Variants in TMCO6 observed in about 807,000 individuals in gnomAD.
TMCO6 encodes transmembrane and coiled-coil domain-containing protein 6.
TMCO6 carries 47 observed loss-of-function variants against 61.8 expected under a neutral mutation model. The observed-to-expected ratio is 0.76, with a 90% CI of 0.60 to 0.97. The LOEUF (loss-of-function observed/expected upper bound fraction) is 0.97. Ranked by LOEUF, TMCO6 falls within the 50% of genes least tolerant of loss-of-function variation. The probability of loss-of-function intolerance (pLI) is 0.00; values close to 1 mark genes in which losing one functional copy is unlikely to be tolerated. For missense variants in TMCO6, 557 were observed against 601.6 expected (o/e 0.93, Z 0.78); for synonymous variants, 261 against 254.2 (o/e 1.03, Z -0.25).
chr5:140,642,966 T>C lies in TMCO6; in HGVS notation c.731T>C (p.Met244Thr). Residue 244 changes from methionine to threonine, a missense_variant, in exon 7 of 12, where the codon ATG (methionine) becomes ACG (threonine). Transcript: ENST00000394671. The part of the protein sequence containing the change: ...ASTLPQHMLQ[M>T]LQPGPKLNPG... ...ACTCTCCCTCAGCACATGCTACAAA[T>C]GTTGCAACCTGGCCCAAAGCTCAAC... is the stretch of plus-strand genomic sequence containing the variant. The C allele has an allele frequency of 6.2e-7, 1 of 1,614,190 alleles. No individual in the cohort carries two copies. Among genetic ancestry groups the C allele is most frequent in the Non-Finnish European group, 8.5e-7 (1 of 1,180,040 alleles).
At chr5:140,599,979 A>C in the TMCO6 span, among the ~76,000 whole-genome samples, 1 of 152,102 alleles carries the variant, frequency 6.6e-6, no homozygotes, top group African/African-American at 2.4e-5. Context: ...GTGGTTCAAA[A>C]GTCAATTCTA....
chr5:140,645,224 C>A lies in TMCO6; in HGVS notation c.*126C>A, dbSNP rs1373074178. On this transcript the variant is annotated 3_prime_UTR_variant, in exon 12 of 12. Coordinates refer to ENST00000394671, the MANE Select transcript of TMCO6 (RefSeq NM_018502.5). ...CTCTGCTCCCACACCTAAGCCAAGACCTTTGGGTCCCAGCTCCTCCCCTTC... is the reference window on the plus strand; with the variant it reads ...CTCTGCTCCCACACCTAAGCCAAGAACTTTGGGTCCCAGCTCCTCCCCTTC... 7.4e-6 allele frequency: 7 copies of A among 951,628 alleles called. No homozygotes were observed. The highest frequency in any genetic ancestry group is 1.1e-5 in the Non-Finnish European group (7 of 624,316). The allele number at this position is 951,628 out of a possible 1,614,324, so 58.9% of individuals were successfully genotyped here. A position where few individuals can be genotyped will look rare whatever the true frequency, so the allele number is the denominator to read the frequency against.
At chr5:140,632,287 C>T in the TMCO6 span, 3 of 1,613,956 alleles carry the variant, frequency 1.9e-6, no homozygotes, top group Non-Finnish European at 2.5e-6. The surrounding 1 kb of genome is among the most constrained non-coding windows in gnomAD (Gnocchi z 6.2). Context: ...GTCTCCATTC[C>T]TGTGTTGCGC....
At chr5:140,608,467 T>C in the TMCO6 span, among the ~76,000 whole-genome samples, 1 of 152,230 alleles carries the variant, frequency 6.6e-6, no homozygotes, top group Non-Finnish European at 1.5e-5. Flanking sequence ...TTCACTTTAT[T>C]TGGTAATGCC....
chr5:140,599,855 C>T, the TMCO6 span, among the ~76,000 whole-genome samples: 2 of 152,022 alleles, frequency 1.3e-5, no homozygotes, highest in East Asian at 3.8e-4. Flanking sequence ...GAGCAGTGAG[C>T]CAAGATCGCA....
At chr5:140,608,207 C>T in the TMCO6 span, among the ~76,000 whole-genome samples, 2 of 152,100 alleles carry the variant, frequency 1.3e-5, no homozygotes, top group Admixed American at 1.3e-4. Context: ...AAGTTCTTTG[C>T]CCAGGTTTTA....
the TMCO6 span, among the ~76,000 whole-genome samples, chr5:140,608,879 A>G: frequency 1.3e-5 from 2 of 152,074 alleles, no homozygotes; most frequent in Non-Finnish European, 2.9e-5. Context: ...CTACTACCAC[A>G]CTGTCTTAGT....
At chr5:140,635,565 C>G (rs1482831395), upstream of TMCO6, among the ~76,000 whole-genome samples, 1 of 152,166 alleles carries the variant, frequency 6.6e-6, no homozygotes, top group Admixed American at 6.5e-5. Flanking sequence ...GCAAAGATCT[C>G]CAACTCACAG....
chr5:140,645,325 G>A lies in TMCO6; in HGVS notation c.*227G>A. The A allele has an allele frequency of 1.4e-6, 1 of 726,418 alleles. No individual in the cohort carries two copies. Among genetic ancestry groups the A allele is most frequent in the Non-Finnish European group, 2.4e-6 (1 of 415,662 alleles). The allele number at this position is 726,418 out of a possible 1,614,324, so 45.0% of individuals were successfully genotyped here. A position where few individuals can be genotyped will look rare whatever the true frequency, so the allele number is the denominator to read the frequency against. Reference sequence around the variant, plus strand: ...CTTACTCTGGGGCCCTAGAATCCCTGCCCCCCCGCCACCCTTCATGTTTGC... The same window carrying A: ...CTTACTCTGGGGCCCTAGAATCCCTACCCCCCCGCCACCCTTCATGTTTGC... On this transcript the variant is annotated 3_prime_UTR_variant, in exon 12 of 12. Coordinates refer to ENST00000394671, the MANE Select transcript of TMCO6 (RefSeq NM_018502.5).
chr5:140,632,467 T>C, the TMCO6 span: 1 of 1,614,040 alleles, frequency 6.2e-7, no homozygotes, highest in Non-Finnish European at 8.5e-7. The surrounding 1 kb of genome is among the most constrained non-coding windows in gnomAD (Gnocchi z 6.2). Context: ...CTCAGTACCT[T>C]GAGGCCTGGC....
At chr5:140,626,739 A>G in the TMCO6 span, among the ~76,000 whole-genome samples, 1 of 152,086 alleles carries the variant, frequency 6.6e-6, no homozygotes, top group East Asian at 1.9e-4. Context: ...TTTAGTAGAG[A>G]TGGGGTTTTG....
chr5:140,625,917 A>G, the TMCO6 span, among the ~76,000 whole-genome samples: 1 of 152,114 alleles, frequency 6.6e-6, no homozygotes, highest in Non-Finnish European at 1.5e-5. Flanking sequence ...ATGTCTCCCT[A>G]TGTTCTCTGT....
the TMCO6 span, among the ~76,000 whole-genome samples, chr5:140,621,948 G>A: frequency 3.3e-5 from 5 of 152,256 alleles, no homozygotes; most frequent in Admixed American, 1.3e-4. Flanking sequence ...CTGATAAGAT[G>A]TTATCAATGA....
At chr5:140,638,257 T>A (rs770912942), upstream of TMCO6, among the ~76,000 whole-genome samples, 15 of 152,270 alleles carry the variant, frequency 9.9e-5, no homozygotes, top group Admixed American at 7.9e-4. Context: ...GGCTAAACAT[T>A]TGATTTTTTT....
downstream of TMCO6, chr5:140,647,656 A>G: frequency 1.3e-6 from 2 of 1,558,520 alleles, no homozygotes; most frequent in Non-Finnish European, 1.7e-6. Flanking sequence ...CGCGGACCCT[A>G]AAGCCTAGCC....
chr5:140,610,029 T>G, the TMCO6 span, among the ~76,000 whole-genome samples: 1 of 151,644 alleles, frequency 6.6e-6, no homozygotes, highest in East Asian at 1.9e-4. Context: ...CAAGCCACCA[T>G]GCCTGGCTAA....
Position 140,639,621 on chromosome 5 carries a change from G to A in TMCO6, c.85+9G>A, listed in dbSNP as rs1294891773. ...GCGGGAGCGGGAGGCAGGTGTGGGC[G>A]GCCGAGGGAGCGCGGGGGTATATGG... is the stretch of plus-strand genomic sequence containing the variant. On this transcript the variant is annotated intron_variant, in intron 1 of 11. Transcript: ENST00000394671. 6.5e-7 allele frequency: 1 copy of A among 1,540,898 alleles called. No homozygotes were observed. Among genetic ancestry groups the A allele is most frequent in the East Asian group, 2.5e-5 (1 of 40,802 alleles).
downstream of TMCO6, chr5:140,647,032 C>A (rs559435640): frequency 1.9e-6 from 1 of 515,070 alleles, no homozygotes; most frequent in South Asian, 3.0e-5. Flanking sequence ...AGCTCCTGGT[C>A]CCTACGCAGG....
At chr5:140,640,130 A>G (rs1345281836) in intron 2 of TMCO6, among the ~76,000 whole-genome samples, 3 of 152,102 alleles carry the variant, frequency 2.0e-5, no homozygotes, top group African/African-American at 7.2e-5. Context: ...TCTGGATACT[A>G]CTGCAGTCTC....
Sources: allele counts gnomAD v4.1 joint callset (sites outside exome capture counted in the v4.1 genomes callset), GRCh38; gene constraint gnomAD v4.1.1; non-coding constraint Gnocchi (gnomAD v3.1); transcripts MANE v1.5; gene names NCBI Gene and HGNC (gene_info 2026-07-23, HGNC 2026-07-21).